Variants in GALNT13 observed in about 807,000 individuals in gnomAD.
GALNT13 encodes the protein polypeptide N-acetylgalactosaminyltransferase 13.
GALNT13 carries 28 observed loss-of-function variants against 64.2 expected under a neutral mutation model. The observed-to-expected ratio is 0.44, with a 90% CI of 0.32 to 0.60. The LOEUF is 0.60. Among genes scored for constraint, GALNT13 ranks in the 20% least tolerant of loss-of-function variants. GALNT13 has a pLI of 0.05. For missense variants in GALNT13, 577 were observed against 669.8 expected (o/e 0.86, Z 1.53); for synonymous variants, 214 against 224.6 (o/e 0.95, Z 0.42).
intron 3 of GALNT13, among the ~76,000 whole-genome samples, chr2:154,105,713 T>G (rs1385689086): frequency 7.2e-5 from 11 of 152,218 alleles, no homozygotes; most frequent in Non-Finnish European, 1.3e-4. Context: ...ATCAAGACAG[T>G]GCTATCCCTT....
the GALNT13 span, among the ~76,000 whole-genome samples, chr2:153,350,384 CTTTT>C: frequency 2.3e-5 from 3 of 129,956 alleles, no homozygotes; most frequent in Non-Finnish European, 3.2e-5. Flanking sequence ...TTCTTTCTTT[CTTTT>C]TTTTTTTTTT....
At chr2:153,256,259 C>T in the GALNT13 span, among the ~76,000 whole-genome samples, 2 of 152,112 alleles carry the variant, frequency 1.3e-5, no homozygotes, top group South Asian at 2.1e-4. Flanking sequence ...TTGATCGCAT[C>T]AGCTCCTGAG....
chr2:154,263,414 G>T (rs549537052), intron 8 of GALNT13, among the ~76,000 whole-genome samples: 39 of 152,092 alleles, frequency 2.6e-4, no homozygotes, highest in Non-Finnish European at 5.7e-4. Flanking sequence ...GTTATAAGCT[G>T]TGCAACTCTG....
At chr2:153,603,781 G>A in the GALNT13 span, among the ~76,000 whole-genome samples, 1 of 151,916 alleles carries the variant, frequency 6.6e-6, no homozygotes, top group South Asian at 2.1e-4. Flanking sequence ...TGTAGAAATG[G>A]TAAAACCCCA....
the GALNT13 span, among the ~76,000 whole-genome samples, chr2:153,093,270 G>C: frequency 8.6e-6 from 1 of 116,304 alleles, no homozygotes; most frequent in African/African-American, 3.2e-5. Flanking sequence ...ATGGAGTCTT[G>C]CTCTGTTGCC....
the GALNT13 span, among the ~76,000 whole-genome samples, chr2:153,474,045 C>A: frequency 6.6e-6 from 1 of 152,184 alleles, no homozygotes; most frequent in Non-Finnish European, 1.5e-5. Flanking sequence ...CTACTCTGGC[C>A]TGGCTAGGTG....
chr2:153,456,352 T>TGG, the GALNT13 span, among the ~76,000 whole-genome samples: 2 of 152,134 alleles, frequency 1.3e-5, 1 homozygote, highest in South Asian at 4.1e-4. Flanking sequence ...TCTTCCAAAA[T>TGG]GGGCCCTTTC....
At chr2:153,827,077 C>A in the GALNT13 span, among the ~76,000 whole-genome samples, 4 of 152,008 alleles carry the variant, frequency 2.6e-5, no homozygotes, top group African/African-American at 7.2e-5. Flanking sequence ...GACTTAGAGT[C>A]TCACATGATT....
the GALNT13 span, among the ~76,000 whole-genome samples, chr2:153,518,118 CCT>C: frequency 2.1e-4 from 31 of 149,938 alleles, no homozygotes; most frequent in African/African-American, 7.4e-4. Context: ...ACTCCAGACC[CCT>C]GTCCAATACA....
the GALNT13 span, among the ~76,000 whole-genome samples, chr2:153,632,813 G>C: frequency 1.3e-5 from 2 of 151,860 alleles, no homozygotes; most frequent in South Asian, 4.1e-4. Context: ...AGTGAGGTGG[G>C]GCAATCTCAG....
the GALNT13 span, among the ~76,000 whole-genome samples, chr2:153,841,005 A>T: frequency 2.6e-5 from 4 of 152,174 alleles, no homozygotes; most frequent in African/African-American, 9.7e-5. Context: ...GATTTTAAAT[A>T]AGAGCGCTTA....
the GALNT13 span, among the ~76,000 whole-genome samples, chr2:153,208,722 A>G: frequency 6.6e-6 from 1 of 152,150 alleles, no homozygotes; most frequent in African/African-American, 2.4e-5. Context: ...ATAGGTAATT[A>G]TCAAACTGTT....
chr2:153,323,682 G>C, the GALNT13 span, among the ~76,000 whole-genome samples: 1 of 152,094 alleles, frequency 6.6e-6, no homozygotes. Context: ...GTAAGGAAGG[G>C]GTCCAGTTTC....
chr2:153,979,642 A>G lies in GALNT13; in HGVS notation c.142+35003A>G, dbSNP rs78010539. The stretch of plus-strand genomic sequence containing the variant: ...CTTTTAAAATACAAATGCGCATCAT[A>G]ATTATTCTCTAGTAGAATCTTTGTA... On this transcript the variant is annotated intron_variant, in intron 3 of 12. Transcript: ENST00000392825. 8.1e-3 allele frequency among the ~76,000 whole-genome samples: 1,228 copies of G among 152,282 alleles called. 17 individuals are homozygous for G. The highest frequency in any genetic ancestry group is 0.028 in the African/African-American group (1,156 of 41,554).
chr2:153,489,259 A>T, the GALNT13 span, among the ~76,000 whole-genome samples: 1 of 152,224 alleles, frequency 6.6e-6, no homozygotes. Flanking sequence ...CTGCACATAT[A>T]CTTCCTAAAT....
At chr2:153,220,429 G>A in the GALNT13 span, among the ~76,000 whole-genome samples, 1 of 152,202 alleles carries the variant, frequency 6.6e-6, no homozygotes. Context: ...GACCTTCTGG[G>A]GCCATTCCAT....
At chr2:153,835,938 G>A in the GALNT13 span, among the ~76,000 whole-genome samples, 1 of 151,932 alleles carries the variant, frequency 6.6e-6, no homozygotes, top group Admixed American at 6.6e-5. Flanking sequence ...TTGCCATTTT[G>A]GGGGGAATAG....
At chr2:154,363,013 G>A (rs1209954433) in intron 9 of GALNT13, among the ~76,000 whole-genome samples, 1 of 106,640 alleles carries the variant, frequency 9.4e-6, no homozygotes, top group African/African-American at 3.1e-5. Context: ...ACACTGTTTT[G>A]CTTTCTCATT....
intron 11 of GALNT13, among the ~76,000 whole-genome samples, chr2:154,431,436 A>C (rs1700705312): frequency 6.6e-6 from 1 of 152,212 alleles, no homozygotes; most frequent in African/African-American, 2.4e-5. Flanking sequence ...ACATAATACA[A>C]CTGGGAAAAA....
Sources: gnomAD v4.1 joint callset for allele counts (sites outside exome capture counted in the v4.1 genomes callset) on GRCh38, gnomAD v4.1.1 for gene constraint, MANE v1.5 for transcripts, NCBI Gene and HGNC (gene_info 2026-07-23, HGNC 2026-07-21) for gene names.